The following MDGA2 variants were observed in gnomAD, a reference collection of about 807,000 sequenced individuals.
The protein encoded by MDGA2 is MAM domain-containing glycosylphosphatidylinositol anchor protein 2.
In MDGA2, 40 loss-of-function variants were observed where a neutral mutation model predicts 117.8. That is an observed-to-expected ratio of 0.34 (90% CI 0.26 to 0.44). The LOEUF (loss-of-function observed/expected upper bound fraction) is 0.44. MDGA2 is among the 20% of genes least tolerant of loss of function. The pLI, the probability that MDGA2 is intolerant of heterozygous loss-of-function variation, is 1.00. For synonymous variants in MDGA2, 452 were observed against 439.0 expected, an observed-to-expected ratio of 1.03 and a Z score of -0.37; for missense variants, 1,123 against 1,250.6, an observed-to-expected ratio of 0.90 and a Z score of 1.54.
chr14:47,570,469 C>G (rs192711580), intron 1 of MDGA2, among the ~76,000 whole-genome samples: 109 of 152,194 alleles, frequency 7.2e-4, no homozygotes, highest in African/African-American at 2.4e-3. Flanking sequence ...TAATAATTTT[C>G]CTTTCATGGA....
chr14:47,179,668 G>A (rs1297385530), intron 3 of MDGA2, among the ~76,000 whole-genome samples: 1 of 152,010 alleles, frequency 6.6e-6, no homozygotes, highest in East Asian at 1.9e-4. Context: ...TTAAAGCACA[G>A]AATTATAAGG....
chr14:46,964,690 G>A (rs1311745689), intron 8 of MDGA2, among the ~76,000 whole-genome samples: 2 of 152,172 alleles, frequency 1.3e-5, no homozygotes, highest in African/African-American at 2.4e-5. Flanking sequence ...AGATATGACC[G>A]TTGGAATGTA....
intron 1 of MDGA2, among the ~76,000 whole-genome samples, chr14:47,458,838 C>T (rs900199621): frequency 6.6e-6 from 1 of 151,536 alleles, no homozygotes; most frequent in African/African-American, 2.4e-5. Context: ...TTAATCTTTG[C>T]ACTCTTGTCC....
At chr14:46,911,464 T>C (rs1420841988) in intron 10 of MDGA2, among the ~76,000 whole-genome samples, 2 of 152,252 alleles carry the variant, frequency 1.3e-5, no homozygotes, top group African/African-American at 4.8e-5. Flanking sequence ...ATCTTTTAAA[T>C]GTTGAAAAGC....
chr14:47,499,090 T>C (rs1278330550), intron 1 of MDGA2, among the ~76,000 whole-genome samples: 1 of 152,166 alleles, frequency 6.6e-6, no homozygotes, highest in Non-Finnish European at 1.5e-5. Flanking sequence ...CAGCTAATCT[T>C]AGTCCATATT....
chr14:47,405,237 C>T (rs779831289), intron 1 of MDGA2, among the ~76,000 whole-genome samples: 1 of 152,152 alleles, frequency 6.6e-6, no homozygotes, highest in East Asian at 1.9e-4. Flanking sequence ...TGCCCTTCAT[C>T]TTACAGTTCT....
intron 2 of MDGA2, among the ~76,000 whole-genome samples, chr14:47,241,768 G>A (rs1887049798): frequency 6.6e-6 from 1 of 151,642 alleles, no homozygotes; most frequent in South Asian, 2.1e-4. Context: ...TTTTTCCACT[G>A]AGGTAAAAAA....
At chr14:47,177,565 C>T (rs1884521621) in intron 3 of MDGA2, among the ~76,000 whole-genome samples, 1 of 152,128 alleles carries the variant, frequency 6.6e-6, no homozygotes, top group Admixed American at 6.6e-5. Context: ...AAATCAAACA[C>T]CGCATGTTCT....
intron 8 of MDGA2, among the ~76,000 whole-genome samples, chr14:46,991,038 C>T (rs1887074941): frequency 6.6e-6 from 1 of 152,044 alleles, no homozygotes; most frequent in Non-Finnish European, 1.5e-5. Context: ...TGTCTGGCTA[C>T]CATCTGGTCC....
chr14:47,377,755 A>C (rs2416058), intron 1 of MDGA2, among the ~76,000 whole-genome samples: 109,963 of 152,082 alleles, frequency 0.72, 40,011 homozygotes, highest in Middle Eastern at 0.82. Context: ...TCAAGGAGGT[A>C]TGCCCGCCTC....
intron 9 of MDGA2, among the ~76,000 whole-genome samples, chr14:46,932,874 C>T (rs377437576): frequency 7.3e-5 from 11 of 150,936 alleles, no homozygotes; most frequent in Admixed American, 2.6e-4. Context: ...CAGATAATCA[C>T]GAGAAATATA....
chr14:47,291,411 G>T (rs901920917), intron 2 of MDGA2, among the ~76,000 whole-genome samples: 9 of 152,088 alleles, frequency 5.9e-5, no homozygotes, highest in African/African-American at 1.9e-4. Context: ...GGTAAAAAAT[G>T]CCATGATGTA....
chr14:47,043,150 G>A (rs972345500), intron 7 of MDGA2, among the ~76,000 whole-genome samples: 1 of 151,966 alleles, frequency 6.6e-6, no homozygotes. Context: ...AGTAATGTGT[G>A]CTTGAGAGAT....
rs918487725 is a variant in MDGA2, at chr14:47,164,052, C to T, written c.596-19778G>A. ...TCGTAAAGCAATTCTATAAAGTTCA[C>T]TTTTACTTATTTATTTGTTTAGTTA... On this transcript the variant is annotated intron_variant, in intron 3 of 16. Coordinates refer to ENST00000399232, the MANE Select transcript of MDGA2 (RefSeq NM_001113498.3). Among the ~76,000 whole-genome samples the T allele has an allele frequency of 9.8e-5, 15 of 152,290 alleles. No individual in the cohort carries two copies. In the East Asian group the frequency reaches 2.1e-3, roughly 22 times the overall value.
chr14:46,997,451 T>C (rs1446033784), intron 8 of MDGA2, among the ~76,000 whole-genome samples: 2 of 152,140 alleles, frequency 1.3e-5, no homozygotes, highest in Non-Finnish European at 2.9e-5. Flanking sequence ...TCAGGTTAGA[T>C]GGAAGAAAAG....
At position 47,103,955 on chromosome 14, in the gene MDGA2, C is replaced by A. The variant is rs78043484; in HGVS notation, c.926-6832G>T. On this transcript the variant is annotated intron_variant, in intron 5 of 16. Transcript: ENST00000399232. Reference sequence around the variant, plus strand: ...TCAGCGAACAAAAGAGTCAAAGAATCCCTGCTGTCAGAAGTTTACAACTTA... The same window carrying A: ...TCAGCGAACAAAAGAGTCAAAGAATACCTGCTGTCAGAAGTTTACAACTTA... Among the ~76,000 whole-genome samples, 675 of 152,262 alleles carry A rather than the reference C, an allele frequency of 4.4e-3. 6 individuals are homozygous for A. The highest frequency in any genetic ancestry group is 0.015 in the African/African-American group (624 of 41,562).
rs146031266 is a variant in MDGA2 at position 46,876,183 on chromosome 14, C to T, written c.2437+1306G>A. On this transcript the variant is annotated intron_variant, in intron 12 of 16. Transcript: ENST00000399232. ...ATACTTAAGCAACATCAATAGCTCT[C>T]GATTCCTTCTAAGGACATATATCTT... 3.4e-3 allele frequency among the ~76,000 whole-genome samples: 508 copies of T among 151,410 alleles called. 3 individuals carry two copies. The highest frequency in any genetic ancestry group is 0.012 in the African/African-American group (485 of 41,468).
intron 1 of MDGA2, among the ~76,000 whole-genome samples, chr14:47,611,443 C>A (rs1429948372): frequency 1.3e-5 from 2 of 151,894 alleles, no homozygotes; most frequent in African/African-American, 2.4e-5. Context: ...GGGAGAAAAT[C>A]TTCACTATAT....
chr14:46,864,545 GTT>G (rs71112467), intron 14 of MDGA2, among the ~76,000 whole-genome samples: 5 of 51,480 alleles, frequency 9.7e-5, no homozygotes, highest in Non-Finnish European at 1.6e-4. Context: ...AGATATTGCT[GTT>G]TTTTTTTTTT....
Sources: gnomAD v4.1 joint callset for allele counts (sites outside exome capture counted in the v4.1 genomes callset) on GRCh38, gnomAD v4.1.1 for gene constraint, MANE v1.5 for transcripts, NCBI Gene and HGNC (gene_info 2026-07-23, HGNC 2026-07-21) for gene names.